The following PPRC1 variants were observed in gnomAD, a reference collection of about 807,000 sequenced individuals.
PPRC1 encodes PPARG related coactivator 1.
PPRC1 carries 23 observed loss-of-function variants against 132.5 expected under a neutral mutation model. The observed-to-expected ratio is 0.17, with a 90% CI of 0.12 to 0.25. PPRC1 has a LOEUF of 0.25. PPRC1 is among the 10% of genes least tolerant of loss of function. The pLI, the probability that PPRC1 is intolerant of heterozygous loss-of-function variation, is 1.00. For synonymous variants in PPRC1, 872 were observed against 833.5 expected (o/e 1.05, Z -0.80); for missense variants, 2,006 against 2,089.1 (o/e 0.96, Z 0.78).
the PPRC1 span, among the ~76,000 whole-genome samples, chr10:102,127,114 C>T: frequency 7.5e-6 from 1 of 133,294 alleles, no homozygotes; most frequent in South Asian, 2.5e-4. Flanking sequence ...GTGGCTCAAG[C>T]CTGTAATCCC....
Position 102,149,186 on chromosome 10 carries a change from A to G in PPRC1, c.4748A>G (p.Tyr1583Cys). ...CACTCTCCTCCTACTAGGGACAACT[A>G]CGGCTTCGTCACTTATCGCTATGCT... ...TIHFRVQGDN[Y>C]GFVTYRYAEE... Residue 1583 changes from tyrosine (Y) to cysteine (C), a missense_variant, in exon 13 of 14, where the codon TAC becomes TGC. Coordinates refer to ENST00000278070, the MANE Select transcript of PPRC1 (RefSeq NM_015062.5). 2 of 1,588,880 alleles carry G rather than the reference A, an allele frequency of 1.3e-6. No individual in the cohort carries two copies. Among genetic ancestry groups the G allele is most frequent in the Non-Finnish European group, 8.6e-7 (1 of 1,166,258 alleles).
chr10:102,131,111 C>T (rs145160034), upstream of PPRC1, among the ~76,000 whole-genome samples: 6,038 of 150,944 alleles, frequency 0.04, 392 homozygotes, highest in African/African-American at 0.14. Context: ...AGGAGAATCA[C>T]TTGAACCTGG....
At position 102,146,665 on chromosome 10, in the gene PPRC1, A is replaced by G; in HGVS notation, c.3680-7A>G. On this transcript the variant is annotated splice_polypyrimidine_tract_variant and splice_region_variant and intron_variant, in intron 8 of 13. Transcript: ENST00000278070. ...CCTGCTATCTCCATCCTCCCTCCCCACCACAGGGCTCACCCCTCCAGCTAC... is the reference window on the plus strand; with the variant it reads ...CCTGCTATCTCCATCCTCCCTCCCCGCCACAGGGCTCACCCCTCCAGCTAC... The G allele has an allele frequency of 6.3e-7, 1 of 1,597,204 alleles. No homozygotes were observed. Among genetic ancestry groups the G allele is most frequent in the Non-Finnish European group, 8.5e-7 (1 of 1,171,104 alleles).
At chr10:102,126,180 CA>C in the PPRC1 span, among the ~76,000 whole-genome samples, 2 of 152,072 alleles carry the variant, frequency 1.3e-5, no homozygotes, top group Non-Finnish European at 2.9e-5. Flanking sequence ...CTCTGTCTTT[CA>C]AGGATGAATC....
intron 6 of PPRC1, 30 bp downstream of exon 6, chr10:102,143,128 C>T (rs1354998047): frequency 6.3e-7 from 1 of 1,600,000 alleles, no homozygotes; most frequent in Non-Finnish European, 8.6e-7. Context: ...TTTGCTCCAA[C>T]TCTTTTTTTG....
rs748989303 is a variant in PPRC1 at position 102,148,435 on chromosome 10, C to T, written c.4464C>T (p.Ser1488=). Residue 1488 remains serine (S), a synonymous_variant, in exon 10 of 14, where the codon TCC becomes TCT. Coordinates refer to ENST00000278070, the MANE Select transcript of PPRC1 (RefSeq NM_015062.5). The surrounding 1 kb of genome is among the most constrained non-coding windows in gnomAD (Gnocchi z 4.2). The stretch of plus-strand genomic sequence containing the variant: ...CTTCCTCTTCTTCGTCATCATCTTC[C>T]TCTTCGTCTTCCTCATCCTCATCAT... ...RCSSSSSSSS[S]SSSSSSSSSS... is the part of the protein sequence containing the mutation. The T allele has an allele frequency of 6.2e-7, 1 of 1,611,400 alleles. No homozygotes were observed. The highest frequency in any genetic ancestry group is 1.3e-5 in the African/African-American group (1 of 75,006).
chr10:102,144,294 G>A lies in PPRC1; in HGVS notation c.3595G>A (p.Val1199Ile), dbSNP rs775777147. The A allele has an allele frequency of 2.5e-6, 4 of 1,613,938 alleles. No individual in the cohort carries two copies. The highest frequency in any genetic ancestry group is 2.2e-5 in the East Asian group (1 of 44,902). The change falls in exon 7 of 14, where the codon GTA becomes ATA. Residue 1199 changes from valine to isoleucine, a missense_variant. Val to Ile is a conservative substitution (Grantham distance 29, BLOSUM62 3). Transcript: ENST00000278070. ...TCCGGCTCCTGCTGACAGCTTGGCT[G>A]TAGGAAACTCAGGGTAAGTATGGAG... Reference protein sequence around the residue: ...PPPAPADSLAVGNSGGVDIPQ... With the variant: ...PPPAPADSLAIGNSGGVDIPQ...
chr10:102,131,034 TACAAAA>T (rs2068531420), upstream of PPRC1, among the ~76,000 whole-genome samples: 1 of 151,244 alleles, frequency 6.6e-6, no homozygotes. Flanking sequence ...CTACTAAAAA[TACAAAA>T]ACAAATTAGC....
In PPRC1 at chr10:102,140,951, C is replaced by T; in HGVS notation, c.2443C>T (p.Leu815Phe). ...TCTGCAGAGAAGCCCTGAAACACCC[C>T]TTGAGATTTGCCTTGTGCCTGTAGG... ...TALQRSPETP[L>F]EICLVPVGPS... Residue 815 changes from leucine to phenylalanine, a missense_variant, in exon 5 of 14, where the codon CTT (leucine) becomes TTT (phenylalanine). By Grantham distance (22) the Leu-to-Phe change is conservative (BLOSUM62 0). Around this residue, in one of 2 missense-constraint regions of PPRC1, gnomAD observed 1,914 missense variants for 1,917.2 expected, o/e 1.00. Transcript: ENST00000278070. The T allele has an allele frequency of 2.5e-6, 4 of 1,613,982 alleles. No individual in the cohort carries two copies. Among genetic ancestry groups the T allele is most frequent in the Non-Finnish European group, 2.5e-6 (3 of 1,179,976 alleles).
Position 102,146,951 on chromosome 10 carries a change from G to A in PPRC1, c.3959G>A (p.Arg1320Gln), listed in dbSNP as rs769698059. ...PALVIPEVGS[R>Q]WNVKRHQDIT... Reference sequence around the variant, plus strand: ...CTAGTCATTCCAGAGGTGGGCTCCCGATGGAATGTCAAGCGCCATCAGGAC... The same window carrying A: ...CTAGTCATTCCAGAGGTGGGCTCCCAATGGAATGTCAAGCGCCATCAGGAC... Residue 1320 changes from arginine to glutamine, a missense_variant, in exon 9 of 14, where the codon CGA (arginine) becomes CAA (glutamine). By Grantham distance (43) the Arg-to-Gln change is conservative. Transcript: ENST00000278070. The A allele has an allele frequency of 1.1e-5, 17 of 1,614,096 alleles. No homozygotes were observed. Among genetic ancestry groups the A allele is most frequent in the South Asian group, 3.3e-5 (3 of 91,082 alleles).
rs937537551 is a variant in PPRC1, at chr10:102,147,610, T to C, written c.4400+218T>C. On this transcript the variant is annotated intron_variant, in intron 9 of 13. Coordinates refer to ENST00000278070, the MANE Select transcript of PPRC1 (RefSeq NM_015062.5). ...CCCTGTTGGAGCTTGGGGTGTCAGGTCTCCTGCTTCTTTGAGACCTGCCTT... is the reference window on the plus strand; with the variant it reads ...CCCTGTTGGAGCTTGGGGTGTCAGGCCTCCTGCTTCTTTGAGACCTGCCTT... 4.6e-5 allele frequency among the ~76,000 whole-genome samples: 7 copies of C among 152,110 alleles called. No individual in the cohort carries two copies. The South Asian group carries it at 1.0e-3, about 23-fold the overall frequency.
At chr10:102,132,005 GA>G (rs1168189855), upstream of PPRC1, among the ~76,000 whole-genome samples, 1 of 152,258 alleles carries the variant, frequency 6.6e-6, no homozygotes, top group East Asian at 1.9e-4. Flanking sequence ...TCATAAAATA[GA>G]ACTGGTGCTA....
chr10:102,123,455 T>C, the PPRC1 span, among the ~76,000 whole-genome samples: 1 of 152,192 alleles, frequency 6.6e-6, no homozygotes, highest in African/African-American at 2.4e-5. Flanking sequence ...AGCTGATTTG[T>C]ATGGATGGGT....
At chr10:102,137,308 G>A (rs1459452070) in intron 1 of PPRC1, among the ~76,000 whole-genome samples, 2 of 152,128 alleles carry the variant, frequency 1.3e-5, no homozygotes, top group South Asian at 2.1e-4. Context: ...GGTAGGGGGT[G>A]GGGTGTGATT....
upstream of PPRC1, among the ~76,000 whole-genome samples, chr10:102,131,486 A>G (rs2068542613): frequency 6.6e-6 from 1 of 152,184 alleles, no homozygotes; most frequent in African/African-American, 2.4e-5. Context: ...CAATATTTCT[A>G]AAGGGCAATT....
At chr10:102,138,491 A>G in intron 2 of PPRC1, 128 bp from the exon 3 acceptor site, 1 of 1,157,498 alleles carries the variant, frequency 8.6e-7, no homozygotes, top group Non-Finnish European at 1.2e-6. Context: ...TCTGGTATTC[A>G]GATCCTTCTC....
the PPRC1 span, among the ~76,000 whole-genome samples, chr10:102,127,906 C>T: frequency 1.3e-5 from 2 of 152,020 alleles, no homozygotes; most frequent in African/African-American, 4.8e-5. Context: ...CCAGAGTGGT[C>T]TTGAACTCCT....
chr10:102,129,159 C>G (rs2068505868), upstream of PPRC1, among the ~76,000 whole-genome samples: 1 of 151,762 alleles, frequency 6.6e-6, no homozygotes, highest in African/African-American at 2.4e-5. Context: ...TCTCGATCTC[C>G]TGACCTCGTG....
chr10:102,129,107 T>TA (rs2068504975), upstream of PPRC1, among the ~76,000 whole-genome samples: 6 of 138,386 alleles, frequency 4.3e-5, no homozygotes, highest in East Asian at 4.5e-4. Context: ...TTTTTTTGTG[T>TA]TTTTTAGTAG....
Sources: gnomAD v4.1 joint callset for allele counts (sites outside exome capture counted in the v4.1 genomes callset) on GRCh38, gnomAD v4.1.1 for gene constraint, gnomAD v4.1.1 regional missense constraint, Gnocchi (gnomAD v3.1) non-coding constraint, MANE v1.5 for transcripts, NCBI Gene and HGNC (gene_info 2026-07-23, HGNC 2026-07-21) for gene names.